The following LRP1B variants were observed in gnomAD, a reference collection of about 807,000 sequenced individuals.
LRP1B encodes low-density lipoprotein receptor-related protein 1B.
In LRP1B, 217 loss-of-function variants were observed where a neutral mutation model predicts 556.6. The ratio of observed to expected loss-of-function variants is 0.39; its 90% CI spans 0.35 to 0.44. The LOEUF (loss-of-function observed/expected upper bound fraction) is 0.44, where lower values mean the gene tolerates loss of function less well. Ranked by LOEUF, LRP1B falls within the 20% of genes least tolerant of loss-of-function variation. The pLI, the probability that LRP1B is intolerant of heterozygous loss-of-function variation, is 1.00. For synonymous variants in LRP1B, 2,047 were observed against 1,865.8 expected (o/e 1.10, Z -2.50); for missense variants, 5,053 against 5,620.8 (o/e 0.90, Z 3.23).
intron 32 of LRP1B, among the ~76,000 whole-genome samples, chr2:140,806,446 A>G (rs1206924209): frequency 6.6e-6 from 1 of 152,234 alleles, no homozygotes; most frequent in East Asian, 1.9e-4. Context: ...GGAATGATAT[A>G]TAAATGAGAG....
intron 1 of LRP1B, among the ~76,000 whole-genome samples, chr2:141,944,288 A>G (rs1392580818): frequency 6.6e-6 from 1 of 152,224 alleles, no homozygotes; most frequent in Non-Finnish European, 1.5e-5. Flanking sequence ...AATACTGGAC[A>G]GGAAACGCTC....
chr2:141,035,352 CAATAAT>C lies in LRP1B; in HGVS notation c.1789+13628_1789+13633del, dbSNP rs145532424. On this transcript the variant is annotated intron_variant, in intron 11 of 90. Transcript: ENST00000389484. ...CACATGTACCCTAAAACTTGAAGTACAATAATAATAATAATAATAATAAAAAAATCT... is the reference window on the plus strand; with the variant it reads ...CACATGTACCCTAAAACTTGAAGTACAATAATAATAATAATAAAAAAATCT... Among the ~76,000 whole-genome samples the C allele has an allele frequency of 6.3e-4, 95 of 150,410 alleles. 1 individual carries two copies. Among genetic ancestry groups the C allele is most frequent in the Admixed American group, 1.2e-3 (18 of 15,064 alleles).
chr2:141,463,958 G>T (rs1291989283), intron 3 of LRP1B, among the ~76,000 whole-genome samples: 1 of 151,186 alleles, frequency 6.6e-6, no homozygotes, highest in Non-Finnish European at 1.5e-5. Context: ...AACTAAAAAT[G>T]CAGCCATTCA....
At chr2:141,107,655 CAAGA>C (rs34054362) in intron 7 of LRP1B, among the ~76,000 whole-genome samples, 54,281 of 151,362 alleles carry the variant, frequency 0.36, 10,152 homozygotes, top group East Asian at 0.66. Context: ...AAAGAAAAAA[CAAGA>C]AAGAAAGACT....
chr2:140,313,050 A>G (rs997745118), intron 83 of LRP1B, among the ~76,000 whole-genome samples: 1 of 151,968 alleles, frequency 6.6e-6, no homozygotes, highest in Non-Finnish European at 1.5e-5. Context: ...GATTTGTTTA[A>G]CCAATTAACA....
intron 15 of LRP1B, among the ~76,000 whole-genome samples, chr2:140,994,756 T>G (rs975736080): frequency 2.0e-5 from 3 of 151,964 alleles, no homozygotes; most frequent in Non-Finnish European, 2.9e-5. Flanking sequence ...TCCTAAAATT[T>G]TACATACTTT....
chr2:141,178,854 C>A (rs907865077), intron 7 of LRP1B, among the ~76,000 whole-genome samples: 1 of 151,026 alleles, frequency 6.6e-6, no homozygotes, highest in African/African-American at 2.4e-5. Flanking sequence ...TGAATAACTC[C>A]TTGATAGGCA....
intron 1 of LRP1B, among the ~76,000 whole-genome samples, chr2:142,067,751 C>T (rs1705158573): frequency 6.6e-6 from 1 of 151,490 alleles, no homozygotes; most frequent in South Asian, 2.1e-4. Context: ...TATTGGCATC[C>T]AAACTGATTC....
intron 37 of LRP1B, 111 bp downstream of exon 37, chr2:140,715,862 A>G (rs1468282776): frequency 1.2e-6 from 1 of 825,880 alleles, no homozygotes; most frequent in Non-Finnish European, 1.8e-6. Context: ...CTTAGGTAAG[A>G]TATTCTTGAT....
chr2:140,546,625 A>G (rs1005454981), intron 43 of LRP1B, among the ~76,000 whole-genome samples: 1 of 152,088 alleles, frequency 6.6e-6, no homozygotes, highest in Non-Finnish European at 1.5e-5. Flanking sequence ...AACCATCCTC[A>G]TGATTCAAGT....
intron 29 of LRP1B, among the ~76,000 whole-genome samples, chr2:140,841,726 C>T (rs1310397112): frequency 6.6e-6 from 1 of 151,946 alleles, no homozygotes; most frequent in African/African-American, 2.4e-5. Context: ...GGTTGTTATT[C>T]ATTTATTATT....
intron 79 of LRP1B, among the ~76,000 whole-genome samples, chr2:140,331,602 G>A (rs1680815288): frequency 6.6e-6 from 1 of 151,332 alleles, no homozygotes; most frequent in African/African-American, 2.4e-5. Flanking sequence ...GCATCCATAT[G>A]CTGTACATTG....
At chr2:141,144,827 A>G (rs1701742089) in intron 7 of LRP1B, among the ~76,000 whole-genome samples, 1 of 152,228 alleles carries the variant, frequency 6.6e-6, no homozygotes, top group Admixed American at 6.5e-5. Flanking sequence ...CTGGTCAGTA[A>G]TGTCAATTAT....
At chr2:140,386,208 C>G in intron 66 of LRP1B, among the ~76,000 whole-genome samples, 199 bp from the exon 67 acceptor site, 1 of 152,262 alleles carries the variant, frequency 6.6e-6, no homozygotes, top group African/African-American at 2.4e-5. Context: ...ACTGTTCATG[C>G]TTTCACCGCG....
At chr2:142,059,806 A>C (rs1704834727) in intron 1 of LRP1B, among the ~76,000 whole-genome samples, 1 of 152,062 alleles carries the variant, frequency 6.6e-6, no homozygotes, top group Non-Finnish European at 1.5e-5. Flanking sequence ...TCAGAAGAAC[A>C]AATCCCTTAC....
intron 2 of LRP1B, among the ~76,000 whole-genome samples, chr2:141,773,464 A>C (rs1218720118): frequency 6.6e-6 from 1 of 152,240 alleles, no homozygotes; most frequent in Non-Finnish European, 1.5e-5. Flanking sequence ...TTAAAGCTTC[A>C]GGGGACCCCA....
chr2:141,169,534 C>T (rs1238934677), intron 7 of LRP1B, among the ~76,000 whole-genome samples: 1 of 151,584 alleles, frequency 6.6e-6, no homozygotes, highest in African/African-American at 2.4e-5. Flanking sequence ...GTCATGGATC[C>T]TGCACTGCAC....
chr2:142,031,368 G>T, intron 1 of LRP1B, among the ~76,000 whole-genome samples: 1 of 104,726 alleles, frequency 9.5e-6, no homozygotes, highest in Non-Finnish European at 1.9e-5. Context: ...TAAGTTTTAG[G>T]GTACATGTGC....
chr2:140,348,094 T>C (rs972069269), intron 77 of LRP1B, among the ~76,000 whole-genome samples: 31 of 151,992 alleles, frequency 2.0e-4, no homozygotes, highest in African/African-American at 7.2e-4. Context: ...ATCAAATATA[T>C]TTAAAATATA....
Sources: allele counts gnomAD v4.1 joint callset (sites outside exome capture counted in the v4.1 genomes callset), GRCh38; gene constraint gnomAD v4.1.1; transcripts MANE v1.5; gene names NCBI Gene and HGNC (gene_info 2026-07-23, HGNC 2026-07-21).